The following OR2L13 variants were observed in gnomAD, a reference collection of about 807,000 sequenced individuals.
The protein encoded by OR2L13 is olfactory receptor family 2 subfamily L member 13.
A neutral mutation model predicts 15.3 loss-of-function variants in OR2L13; 14 were observed. That is an observed-to-expected ratio of 0.91 (90% CI 0.60 to 1.43). OR2L13 has a LOEUF of 1.43. OR2L13 is among the 40% of genes most tolerant of loss of function. The pLI is 0.00. For missense variants in OR2L13, 367 were observed against 387.9 expected, an observed-to-expected ratio of 0.95 and a Z score of 0.45; for synonymous variants, 152 against 142.9, an observed-to-expected ratio of 1.06 and a Z score of -0.45.
chr1:248,009,470 C>A, the OR2L13 span, among the ~76,000 whole-genome samples: 1 of 152,048 alleles, frequency 6.6e-6, no homozygotes, highest in Non-Finnish European at 1.5e-5. Flanking sequence ...AAGTCTAAAC[C>A]AGGAAGAAGT....
At chr1:248,096,195 A>G (rs1424810841), upstream of OR2L13, among the ~76,000 whole-genome samples, 4 of 151,756 alleles carry the variant, frequency 2.6e-5, no homozygotes, top group African/African-American at 4.8e-5. Flanking sequence ...TGGCTAACAC[A>G]GTGAAACCCG....
chr1:248,041,759 A>G, the OR2L13 span: 9 of 152,364 alleles, frequency 5.9e-5, no homozygotes, highest in Admixed American at 2.6e-4. Flanking sequence ...ACATGAAAAA[A>G]TGCTCACCGT....
At chr1:247,982,336 C>A in the OR2L13 span, among the ~76,000 whole-genome samples, 1 of 152,116 alleles carries the variant, frequency 6.6e-6, no homozygotes, top group Non-Finnish European at 1.5e-5. Context: ...CCTTGTGATT[C>A]AGTTACTCTT....
the OR2L13 span, among the ~76,000 whole-genome samples, chr1:247,984,603 C>G: frequency 6.6e-6 from 1 of 152,078 alleles, no homozygotes; most frequent in African/African-American, 2.4e-5. Flanking sequence ...TACCAGAGGT[C>G]ATAAAATAAT....
chr1:248,043,642 C>T, the OR2L13 span, among the ~76,000 whole-genome samples: 1 of 151,964 alleles, frequency 6.6e-6, no homozygotes, highest in African/African-American at 2.4e-5. Flanking sequence ...TGATCCAGAC[C>T]CCAAAAGAGG....
chr1:247,990,770 G>C, the OR2L13 span: 14 of 1,602,082 alleles, frequency 8.7e-6, no homozygotes, highest in Non-Finnish European at 1.2e-5. Context: ...ATCCCATATT[G>C]CAAGTCCAGA....
the OR2L13 span, among the ~76,000 whole-genome samples, chr1:247,978,435 A>G: frequency 6.6e-6 from 1 of 152,148 alleles, no homozygotes; most frequent in African/African-American, 2.4e-5. Context: ...ATTTGGCATA[A>G]TGGTTATCAC....
the OR2L13 span, among the ~76,000 whole-genome samples, chr1:248,011,176 G>A: frequency 6.6e-6 from 1 of 152,104 alleles, no homozygotes; most frequent in Non-Finnish European, 1.5e-5. Context: ...GCATTTGCTT[G>A]TCTGTAAAGG....
the OR2L13 span, chr1:248,038,564 G>C: frequency 6.2e-7 from 1 of 1,614,166 alleles, no homozygotes; most frequent in South Asian, 1.1e-5. Context: ...GTGGGATTCA[G>C]AGTTTCTTCT....
chr1:248,006,243 ATGTGTGTGTGTGTGTGTGTGTG>A, the OR2L13 span, among the ~76,000 whole-genome samples: 1 of 139,628 alleles, frequency 7.2e-6, no homozygotes, highest in East Asian at 2.1e-4. Flanking sequence ...ATTGCAAGAT[ATGTGTGTGTGTGTGTGTGTGTG>A]TGTGTGTGTG....
the OR2L13 span, among the ~76,000 whole-genome samples, chr1:248,001,979 A>T: frequency 6.6e-6 from 1 of 152,224 alleles, no homozygotes; most frequent in Non-Finnish European, 1.5e-5. Context: ...TTCAAATATT[A>T]CATGTTCTAC....
the OR2L13 span, among the ~76,000 whole-genome samples, chr1:248,070,595 C>A: frequency 3.3e-5 from 5 of 151,892 alleles, no homozygotes; most frequent in Non-Finnish European, 5.9e-5. Flanking sequence ...CAGATTCAAA[C>A]GCTAGCAGAA....
chr1:248,027,363 C>T, the OR2L13 span, among the ~76,000 whole-genome samples: 1 of 152,204 alleles, frequency 6.6e-6, no homozygotes, highest in South Asian at 2.1e-4. Flanking sequence ...CGCCCCAGTC[C>T]TGTGGTCCCG....
At chr1:248,030,642 G>A in the OR2L13 span, among the ~76,000 whole-genome samples, 1 of 152,066 alleles carries the variant, frequency 6.6e-6, no homozygotes, top group Admixed American at 6.5e-5. Flanking sequence ...AGTGATGTGC[G>A]ATTGTACGAT....
chr1:248,008,923 G>T, the OR2L13 span, among the ~76,000 whole-genome samples: 1 of 152,192 alleles, frequency 6.6e-6, no homozygotes, highest in South Asian at 2.1e-4. Flanking sequence ...TGAACAACCT[G>T]CTCCTGAATG....
the OR2L13 span, among the ~76,000 whole-genome samples, chr1:248,085,469 CAA>C: frequency 0.08 from 5,459 of 67,854 alleles, 448 homozygotes; most frequent in African/African-American, 0.2. Context: ...AGAGAAGCAC[CAA>C]AAAAAAAAAA....
chr1:248,028,576 A>G, the OR2L13 span, among the ~76,000 whole-genome samples: 1 of 152,214 alleles, frequency 6.6e-6, no homozygotes, highest in Non-Finnish European at 1.5e-5. Context: ...TTTTATTTAT[A>G]TTTCTTATTC....
At chr1:248,018,152 C>CAAA in the OR2L13 span, among the ~76,000 whole-genome samples, 7 of 139,956 alleles carry the variant, frequency 5.0e-5, no homozygotes, top group East Asian at 2.0e-4. Context: ...GACTCCATCT[C>CAAA]AAAAAAATAA....
the OR2L13 span, among the ~76,000 whole-genome samples, chr1:248,015,593 A>T: frequency 6.6e-6 from 1 of 152,156 alleles, no homozygotes; most frequent in Non-Finnish European, 1.5e-5. Flanking sequence ...ACTTTCTGGA[A>T]GTTTCAGAGT....
Sources: allele counts gnomAD v4.1 joint callset (sites outside exome capture counted in the v4.1 genomes callset), GRCh38; gene constraint gnomAD v4.1.1; transcripts MANE v1.5; gene names NCBI Gene and HGNC (gene_info 2026-07-23, HGNC 2026-07-21).